SYNPO: variants seen among roughly 807,000 people sequenced by gnomAD.
SYNPO encodes the protein synaptopodin.
Under a neutral mutation model 49.5 loss-of-function variants are expected in SYNPO, and 19 were observed. That is an observed-to-expected ratio of 0.38 (90% CI 0.27 to 0.56). The LOEUF is 0.56. SYNPO is among the 20% of genes least tolerant of loss of function. The pLI, the probability that SYNPO is intolerant of heterozygous loss-of-function variation, is 0.68. For synonymous variants in SYNPO, 536 were observed against 548.0 expected (o/e 0.98, Z 0.31); for missense variants, 1,131 against 1,248.3 (o/e 0.91, Z 1.42).
chr5:150,640,213 C>T (rs2151401193), upstream of SYNPO: 4 of 977,866 alleles, frequency 4.1e-6, no homozygotes, highest in Non-Finnish European at 4.9e-6. Flanking sequence ...GCAGACAGAA[C>T]ATTGGTGAAG....
Position 150,648,810 on chromosome 5 carries a change from A to T in SYNPO, c.535A>T (p.Ser179Cys), listed in dbSNP as rs756890451. The T allele has an allele frequency of 1.9e-6, 3 of 1,614,080 alleles. No individual in the cohort carries two copies. The South Asian group carries it at 3.3e-5, about 18-fold the overall frequency. ...CTCCAGAGAAGCTACGCTCATCCCCAGCTCCAGGCCCCCAGCCTCAGATTT... is the reference window on the plus strand; with the variant it reads ...CTCCAGAGAAGCTACGCTCATCCCCTGCTCCAGGCCCCCAGCCTCAGATTT... ...TFSREATLIPSSRPPASDFMS... is the reference protein window; with the variant it reads ...TFSREATLIPCSRPPASDFMS... The change falls in exon 2 of 3, where the codon AGC becomes TGC. Residue 179 changes from serine to cysteine, a missense_variant. By Grantham distance (112) the Ser-to-Cys change is moderately radical. Around this residue, in one of 4 missense-constraint regions of SYNPO, gnomAD observed 602 missense variants for 720.7 expected, o/e 0.84. Coordinates refer to ENST00000307662, the MANE Select transcript of SYNPO (RefSeq NM_007286.6). The surrounding 1 kb of genome is among the most constrained non-coding windows in gnomAD (Gnocchi z 5.0).
chr5:150,610,997 T>A (rs1019810346), intron 1 of SYNPO, among the ~76,000 whole-genome samples: 1 of 152,218 alleles, frequency 6.6e-6, no homozygotes, highest in African/African-American at 2.4e-5. Flanking sequence ...TGTTGGTTTG[T>A]GTTTTTTTTA....
intron 1 of SYNPO, among the ~76,000 whole-genome samples, chr5:150,601,965 A>T (rs1488749116): frequency 1.3e-5 from 2 of 152,224 alleles, no homozygotes; most frequent in African/African-American, 4.8e-5. Context: ...CACCTCCAGG[A>T]GCTCGGCATC....
At position 150,657,405 on chromosome 5, in the gene SYNPO, C is replaced by T. The variant is rs1310474629; in HGVS notation, c.*318C>T. 2 of 387,548 alleles carry T rather than the reference C, an allele frequency of 5.2e-6. No homozygotes were observed. The highest frequency in any genetic ancestry group is 9.4e-6 in the Non-Finnish European group (2 of 213,660). The allele number at this position is 387,548 out of a possible 1,614,324, so 24.0% of individuals were successfully genotyped here. A position where few individuals can be genotyped will look rare whatever the true frequency, so the allele number is the denominator to read the frequency against. ...ATCAGTACACACACCGATGCACACA[C>T]ACTCTCTCTTTCTCTCTCTCTCTCT... is the stretch of plus-strand genomic sequence containing the variant. On this transcript the variant is annotated 3_prime_UTR_variant, in exon 3 of 3. Transcript: ENST00000307662.
chr5:150,647,862 C>A (rs1758161392), intron 1 of SYNPO, 82 bp from the exon 2 acceptor site: 14 of 1,295,186 alleles, frequency 1.1e-5, no homozygotes, highest in Non-Finnish European at 1.5e-5. Flanking sequence ...CCGAGGCGAC[C>A]ATCTCTGTCT....
rs760554854 is a variant in SYNPO at position 150,648,882 on chromosome 5, G to A, written c.607G>A (p.Val203Met). Reference protein sequence around the residue: ...LIDIQPNTLVVSADQEMSGRA... With the variant: ...LIDIQPNTLVMSADQEMSGRA... ...TGACATCCAGCCCAACACCCTAGTG[G>A]TGTCAGCAGATCAAGAGATGTCTGG... The change falls in exon 2 of 3, where the codon GTG becomes ATG. Residue 203 changes from valine (V) to methionine (M), a missense_variant. Physicochemically the swap from Val to Met is conservative, Grantham distance 21. Transcript: ENST00000307662. This position sits in a 1 kb window ranked among gnomAD's most constrained non-coding sequence, Gnocchi z 5.0. The A allele has an allele frequency of 9.3e-6, 15 of 1,614,080 alleles. No homozygotes were observed. The Admixed American group carries it at 2.5e-4, about 27-fold the overall frequency.
chr5:150,648,719 G>T lies in SYNPO; in HGVS notation c.444G>T (p.Glu148Asp). The change falls in exon 2 of 3, where the codon GAG becomes GAT. Residue 148 changes from glutamate (E) to aspartate (D), a missense_variant. Coordinates refer to ENST00000307662, the MANE Select transcript of SYNPO (RefSeq NM_007286.6). This position sits in a 1 kb window ranked among gnomAD's most constrained non-coding sequence, Gnocchi z 5.0. ...CADGQPQAPA[E>D]EVRCSTLLID... Reference sequence around the variant, plus strand: ...ATGGGCAACCCCAGGCACCGGCTGAGGAGGTGAGATGCAGCACACTCCTAA... The same window carrying T: ...ATGGGCAACCCCAGGCACCGGCTGATGAGGTGAGATGCAGCACACTCCTAA... 1 of 1,614,210 alleles carries T rather than the reference G, an allele frequency of 6.2e-7. No individual in the cohort carries two copies. The highest frequency in any genetic ancestry group is 8.5e-7 in the Non-Finnish European group (1 of 1,180,038).
intron 2 of SYNPO, among the ~76,000 whole-genome samples, chr5:150,626,020 T>C (rs924820896): frequency 2.6e-5 from 4 of 152,212 alleles, no homozygotes; most frequent in African/African-American, 9.6e-5. Context: ...TGGTGGTAGC[T>C]GTAGGGCTAG....
chr5:150,609,082 T>C (rs1181111564), intron 1 of SYNPO, among the ~76,000 whole-genome samples: 3 of 152,164 alleles, frequency 2.0e-5, no homozygotes, highest in Admixed American at 6.5e-5. Context: ...AAAAAAGCTT[T>C]GATTTGTAGC....
chr5:150,596,161 C>A (rs1756421360), upstream of SYNPO, among the ~76,000 whole-genome samples: 1 of 152,150 alleles, frequency 6.6e-6, no homozygotes, highest in Non-Finnish European at 1.5e-5. Flanking sequence ...ACCACAGATT[C>A]TCTGCTTCCT....
At chr5:150,590,885 G>T in the SYNPO span, among the ~76,000 whole-genome samples, 1 of 152,186 alleles carries the variant, frequency 6.6e-6, no homozygotes, top group Admixed American at 6.5e-5. Context: ...TAGACTTGCT[G>T]CTATACCTCC....
chr5:150,616,256 C>T (rs941441760), intron 1 of SYNPO, among the ~76,000 whole-genome samples: 12 of 152,310 alleles, frequency 7.9e-5, no homozygotes, highest in African/African-American at 2.9e-4. Flanking sequence ...GGGGCGGAGG[C>T]GTGACCACAG....
chr5:150,586,026 G>A, the SYNPO span, among the ~76,000 whole-genome samples: 6 of 152,198 alleles, frequency 3.9e-5, no homozygotes, highest in East Asian at 1.9e-4. Flanking sequence ...GCCAGGGGCC[G>A]GCACAAGTAC....
rs184098652 is a variant in SYNPO at position 150,648,712 on chromosome 5, C to T, written c.437C>T (p.Pro146Leu). The change falls in exon 2 of 3, where the codon CCG (proline) becomes CTG (leucine). Residue 146 changes from proline to leucine, a missense_variant. Coordinates refer to ENST00000307662, the MANE Select transcript of SYNPO (RefSeq NM_007286.6). This position sits in a 1 kb window ranked among gnomAD's most constrained non-coding sequence, Gnocchi z 5.0. ...TGTGCTGATGGGCAACCCCAGGCAC[C>T]GGCTGAGGAGGTGAGATGCAGCACA... ...TLCADGQPQA[P>L]AEEVRCSTLL... 137 of 1,614,180 alleles carry T rather than the reference C, an allele frequency of 8.5e-5. No individual in the cohort carries two copies. In the East Asian group the frequency reaches 1.2e-3, roughly 15 times the overall value.
intron 2 of SYNPO, 148 bp downstream of exon 2, chr5:150,650,451 A>G (rs1194877813): frequency 6.5e-7 from 1 of 1,534,982 alleles, no homozygotes; most frequent in East Asian, 2.5e-5. Context: ...TCCATGGTTC[A>G]AGGTCAGATG....
chr5:150,616,351 A>T (rs1756983347), intron 1 of SYNPO, among the ~76,000 whole-genome samples: 1 of 152,214 alleles, frequency 6.6e-6, no homozygotes, highest in Non-Finnish European at 1.5e-5. Flanking sequence ...CCCATTTTGC[A>T]GTAGGATAAG....
At chr5:150,655,072 C>T (rs2151433015) in intron 2 of SYNPO, among the ~76,000 whole-genome samples, 1 of 152,338 alleles carries the variant, frequency 6.6e-6, no homozygotes, top group Non-Finnish European at 1.5e-5. Context: ...TTGCGGTGAG[C>T]TGAGATTGTG....
intron 1 of SYNPO, chr5:150,618,097 C>T (rs59962087): frequency 7.6e-6 from 3 of 394,862 alleles, no homozygotes; most frequent in South Asian, 5.9e-5. Flanking sequence ...TTCCCTATGC[C>T]GATAGATTGC....
Position 150,648,831 on chromosome 5 carries a change from G to C in SYNPO, c.556G>C (p.Asp186His), listed in dbSNP as rs893008241. 3 of 1,614,052 alleles carry C rather than the reference G, an allele frequency of 1.9e-6. No homozygotes were observed. In the African/African-American group the frequency reaches 4.0e-5, roughly 22 times the overall value. Residue 186 changes from aspartate (D) to histidine (H), a missense_variant, in exon 2 of 3, where the codon GAT becomes CAT. Asp to His is a moderately conservative substitution (Grantham distance 81). Transcript: ENST00000307662. This position sits in a 1 kb window ranked among gnomAD's most constrained non-coding sequence, Gnocchi z 5.0. ...LIPSSRPPASDFMSSSLLIDI... is the reference protein window; with the variant it reads ...LIPSSRPPASHFMSSSLLIDI... Reference sequence around the variant, plus strand: ...CCCCAGCTCCAGGCCCCCAGCCTCAGATTTCATGTCCAGCTCCCTGCTCAT... The same window carrying C: ...CCCCAGCTCCAGGCCCCCAGCCTCACATTTCATGTCCAGCTCCCTGCTCAT...
Sources: allele counts gnomAD v4.1 joint callset (sites outside exome capture counted in the v4.1 genomes callset), GRCh38; gene constraint gnomAD v4.1.1; regional missense constraint gnomAD v4.1.1; non-coding constraint Gnocchi (gnomAD v3.1); transcripts MANE v1.5; gene names NCBI Gene and HGNC (gene_info 2026-07-23, HGNC 2026-07-21).